Variants in ZNF385C observed in about 807,000 individuals in gnomAD.
ZNF385C encodes CTD-2132N18.2.
In ZNF385C, 28 loss-of-function variants were observed where a neutral mutation model predicts 35.4. The ratio of observed to expected loss-of-function variants is 0.79; its 90% confidence interval spans 0.59 to 1.08. ZNF385C has a LOEUF of 1.08. ZNF385C is among the 50% of genes least tolerant of loss of function. ZNF385C has a pLI of 0.00. For missense variants in ZNF385C, 605 were observed against 595.6 expected, an observed-to-expected ratio of 1.02 and a Z score of -0.16; for synonymous variants, 248 against 248.2, an observed-to-expected ratio of 1.00 and a Z score of 0.01.
At chr17:42,055,551 G>A (rs1336455043) in intron 2 of ZNF385C, among the ~76,000 whole-genome samples, 3 of 152,182 alleles carry the variant, frequency 2.0e-5, no homozygotes, top group African/African-American at 7.2e-5. Context: ...GAACTTCTCA[G>A]TGGCCTTGGG....
intron 1 of ZNF385C, among the ~76,000 whole-genome samples, chr17:42,081,275 C>T (rs2053746222): frequency 6.6e-6 from 1 of 152,198 alleles, no homozygotes; most frequent in African/African-American, 2.4e-5. Context: ...TGGAGGGGCT[C>T]TGTCAGACCT....
intron 1 of ZNF385C, among the ~76,000 whole-genome samples, chr17:42,068,312 T>C (rs1555658576): frequency 1.3e-5 from 2 of 152,182 alleles, no homozygotes; most frequent in African/African-American, 4.8e-5. Flanking sequence ...ACATGCTGCC[T>C]TAAGCAGATG....
At chr17:42,063,831 G>T (rs568472772) in intron 1 of ZNF385C, among the ~76,000 whole-genome samples, 1 of 152,180 alleles carries the variant, frequency 6.6e-6, no homozygotes, top group South Asian at 2.1e-4. Context: ...CGCAGCAGCC[G>T]CCAGCCAAAA....
rs1161011829 is a variant in ZNF385C, at chr17:42,095,975, C to A, written c.-3+2435G>T. ...AATATGTTCTAACCTCTCACCCTGA[C>A]AAATACACCTTCATTAACAACCTGG... On this transcript the variant is annotated intron_variant, in intron 1 of 8. Coordinates refer to ENST00000692273, the MANE Select transcript of ZNF385C (RefSeq NM_001392013.1). This position sits in a 1 kb window ranked among gnomAD's most constrained non-coding sequence, Gnocchi z 4.4. 6.6e-6 allele frequency among the ~76,000 whole-genome samples: 1 copy of A among 152,210 alleles called. No individual in the cohort carries two copies. The highest frequency in any genetic ancestry group is 2.4e-5 in the African/African-American group (1 of 41,446).
chr17:42,075,774 G>T (rs371394310), intron 1 of ZNF385C, among the ~76,000 whole-genome samples: 2 of 152,280 alleles, frequency 1.3e-5, no homozygotes, highest in East Asian at 3.9e-4. Context: ...GATTACAGGC[G>T]TGAGCCACTG....
At chr17:42,051,994 C>T (rs1220429641) in intron 2 of ZNF385C, among the ~76,000 whole-genome samples, 2 of 152,206 alleles carry the variant, frequency 1.3e-5, no homozygotes, top group African/African-American at 2.4e-5. Flanking sequence ...CAGCTGCCCC[C>T]GAGTGGCACC....
chr17:42,071,107 A>C (rs2143896177), intron 1 of ZNF385C, among the ~76,000 whole-genome samples: 1 of 151,992 alleles, frequency 6.6e-6, no homozygotes, highest in African/African-American at 2.4e-5. Flanking sequence ...CAGCACATAC[A>C]CCCCTGCTTT....
chr17:42,053,995 C>G (rs374102011), intron 2 of ZNF385C, among the ~76,000 whole-genome samples: 1 of 152,200 alleles, frequency 6.6e-6, no homozygotes, highest in Non-Finnish European at 1.5e-5. Flanking sequence ...AAAGCAGCGT[C>G]GTTCCTGGGC....
intron 1 of ZNF385C, among the ~76,000 whole-genome samples, chr17:42,083,735 T>C (rs1402170509): frequency 2.1e-5 from 3 of 141,100 alleles, no homozygotes; most frequent in African/African-American, 8.0e-5. Context: ...TTTTTTTTTT[T>C]TGAGACAGAG....
At chr17:42,054,006 C>T (rs2053331577) in intron 2 of ZNF385C, among the ~76,000 whole-genome samples, 1 of 152,194 alleles carries the variant, frequency 6.6e-6, no homozygotes, top group Non-Finnish European at 1.5e-5. Flanking sequence ...GTTCCTGGGC[C>T]CTGTCTCTCT....
At chr17:42,096,374 C>T (rs868987781) in intron 1 of ZNF385C, among the ~76,000 whole-genome samples, 4 of 152,210 alleles carry the variant, frequency 2.6e-5, no homozygotes, top group African/African-American at 9.7e-5. Context: ...CTCACAGTCT[C>T]ATCCCCTCGG....
chr17:42,028,215 C>G lies in ZNF385C; in HGVS notation c.999G>C (p.Gln333His), dbSNP rs1243074901. The G allele has an allele frequency of 1.9e-6, 3 of 1,552,870 alleles. No individual in the cohort carries two copies. The highest frequency in any genetic ancestry group is 2.6e-6 in the Non-Finnish European group (3 of 1,152,504). ...GAKHRWMMEGQRGAPRRSRGR... is the reference protein window; with the variant it reads ...GAKHRWMMEGHRGAPRRSRGR... ...CCCGGCTCCTCCGGGGAGCCCCTCGCTGACCTTCCATCATCCACCGGTGCT... is the reference window on the plus strand; with the variant it reads ...CCCGGCTCCTCCGGGGAGCCCCTCGGTGACCTTCCATCATCCACCGGTGCT... Residue 333 changes from glutamine (Q) to histidine (H), a missense_variant, in exon 7 of 9, where the codon CAG (glutamine) becomes CAC (histidine). Transcript: ENST00000692273.
At chr17:42,060,665 G>A (rs1300545685) in intron 2 of ZNF385C, among the ~76,000 whole-genome samples, 2 of 152,242 alleles carry the variant, frequency 1.3e-5, no homozygotes, top group Non-Finnish European at 2.9e-5. Flanking sequence ...CAGTATCCAC[G>A]ATCAATGTCA....
chr17:42,046,013 C>A (rs970129278), intron 2 of ZNF385C, among the ~76,000 whole-genome samples: 1 of 152,198 alleles, frequency 6.6e-6, no homozygotes, highest in Non-Finnish European at 1.5e-5. Context: ...CTAGAATTCC[C>A]TCTCCCTCCT....
intron 8 of ZNF385C, 64 bp downstream of exon 8, chr17:42,027,554 G>GGCCCCCCCCCCCCCCCCCCCCCCCCC: frequency 1.8e-6 from 1 of 556,882 alleles, no homozygotes; most frequent in Non-Finnish European, 3.3e-6. Flanking sequence ...CCCCCATCTG[G>GGCCCCCCCCCCCCCCCCCCCCCCCCC]CCCTCCCAGC....
intron 1 of ZNF385C, among the ~76,000 whole-genome samples, chr17:42,080,465 T>G (rs969847000): frequency 1.3e-5 from 2 of 152,170 alleles, no homozygotes; most frequent in Non-Finnish European, 2.9e-5. Flanking sequence ...TGGGGTCCTG[T>G]CCTCCTCCTC....
At chr17:42,069,367 G>A (rs2053592397) in intron 1 of ZNF385C, among the ~76,000 whole-genome samples, 1 of 152,162 alleles carries the variant, frequency 6.6e-6, no homozygotes, top group Non-Finnish European at 1.5e-5. Context: ...GGTTTCCATG[G>A]GGTCCTTGGC....
At chr17:42,043,023 C>T in intron 2 of ZNF385C, 1 of 1,232,338 alleles carries the variant, frequency 8.1e-7, no homozygotes, top group Non-Finnish European at 1.0e-6. Flanking sequence ...CCTTGACGCC[C>T]CTGGAGGCAG....
chr17:42,070,593 T>C (rs1428870100), intron 1 of ZNF385C, among the ~76,000 whole-genome samples: 1 of 152,118 alleles, frequency 6.6e-6, no homozygotes, highest in Non-Finnish European at 1.5e-5. Flanking sequence ...CTGCGAGGCT[T>C]GACACATGAG....
Sources: allele counts gnomAD v4.1 joint callset (sites outside exome capture counted in the v4.1 genomes callset), GRCh38; gene constraint gnomAD v4.1.1; non-coding constraint Gnocchi (gnomAD v3.1); transcripts MANE v1.5; gene names NCBI Gene and HGNC (gene_info 2026-07-23, HGNC 2026-07-21).